TLL1: variants seen among roughly 807,000 people sequenced by gnomAD.
TLL1 encodes the protein tolloid-like protein 1.
In TLL1, 49 loss-of-function variants were observed where a neutral mutation model predicts 128.2. The observed-to-expected ratio is 0.38, with a 90% confidence interval of 0.30 to 0.48. TLL1 has a LOEUF of 0.48. TLL1 is among the 20% of genes least tolerant of loss of function. The probability of loss-of-function intolerance (pLI) is 0.96; values close to 1 mark genes in which losing one functional copy is unlikely to be tolerated. For synonymous variants in TLL1, 454 were observed against 418.8 expected, an observed-to-expected ratio of 1.08 and a Z score of -1.03; for missense variants, 1,123 against 1,242.0, an observed-to-expected ratio of 0.90 and a Z score of 1.44.
rs982254072 is a variant in TLL1 at position 166,104,023 on chromosome 4, C to T, written c.*3147C>T. 2 of 151,876 alleles carry T rather than the reference C, an allele frequency of 1.3e-5. No individual in the cohort carries two copies. The highest frequency in any genetic ancestry group is 2.9e-5 in the Non-Finnish European group (2 of 67,910). 9.4% of individuals were successfully genotyped at this position (151,876 alleles called of 1,614,324 possible). On this transcript the variant is annotated 3_prime_UTR_variant, in exon 21 of 21. Coordinates refer to ENST00000061240, the MANE Select transcript of TLL1 (RefSeq NM_012464.5). ...AACCCTCAAATATCCCATTCCTATACTGGCTGGATTTTTGCTACCTGTCGC... is the reference window on the plus strand; with the variant it reads ...AACCCTCAAATATCCCATTCCTATATTGGCTGGATTTTTGCTACCTGTCGC...
chr4:165,962,901 A>G (rs1045320473), intron 1 of TLL1, among the ~76,000 whole-genome samples: 6 of 151,286 alleles, frequency 4.0e-5, no homozygotes, highest in Non-Finnish European at 8.8e-5. Context: ...CTAAAAGTAC[A>G]AAAATTAGCT....
chr4:166,051,448 G>C (rs950923065), intron 12 of TLL1, among the ~76,000 whole-genome samples: 12 of 151,888 alleles, frequency 7.9e-5, no homozygotes, highest in African/African-American at 2.9e-4. Flanking sequence ...CGATGGACTT[G>C]ATTCACATTT....
At position 166,008,023 on chromosome 4, in the gene TLL1, C is replaced by A; in HGVS notation, c.892C>A (p.His298Asn). ...GERYDFDSIM[H>N]YARNTFSRGM... Reference sequence around the variant, plus strand: ...AAGATATGATTTCGACAGTATCATGCACTATGCCAGGAACACCTTCTCAAG... The same window carrying A: ...AAGATATGATTTCGACAGTATCATGAACTATGCCAGGAACACCTTCTCAAG... The change falls in exon 7 of 21, where the codon CAC becomes AAC. Residue 298 changes from histidine (H) to asparagine (N), a missense_variant. His to Asn is a moderately conservative substitution (Grantham distance 68). Transcript: ENST00000061240. 6.2e-7 allele frequency: 1 copy of A among 1,609,430 alleles called. No individual in the cohort carries two copies. Among genetic ancestry groups the A allele is most frequent in the Non-Finnish European group, 8.5e-7 (1 of 1,176,598 alleles).
At chr4:165,959,622 G>T (rs1734995434) in intron 1 of TLL1, among the ~76,000 whole-genome samples, 1 of 152,110 alleles carries the variant, frequency 6.6e-6, no homozygotes, top group Non-Finnish European at 1.5e-5. Flanking sequence ...ATTTGAAAAA[G>T]TTGAAATAAT....
chr4:166,017,508 C>A (rs1738004451), intron 8 of TLL1, among the ~76,000 whole-genome samples: 1 of 152,156 alleles, frequency 6.6e-6, no homozygotes, highest in Non-Finnish European at 1.5e-5. Flanking sequence ...TTTGAGAAAT[C>A]TCCAAACTGC....
chr4:165,972,370 C>T (rs1735667624), intron 1 of TLL1, among the ~76,000 whole-genome samples: 1 of 152,190 alleles, frequency 6.6e-6, no homozygotes, highest in African/African-American at 2.4e-5. Context: ...ACTTTAATAT[C>T]ATTATCATAT....
chr4:165,903,102 G>A (rs1170126331), intron 1 of TLL1, among the ~76,000 whole-genome samples: 1 of 152,116 alleles, frequency 6.6e-6, no homozygotes, highest in Non-Finnish European at 1.5e-5. Context: ...ACTGTGGGAG[G>A]CTGAGGCACG....
intron 8 of TLL1, among the ~76,000 whole-genome samples, chr4:166,021,209 A>G (rs147002817): frequency 0.012 from 1,755 of 150,484 alleles, 15 homozygotes; most frequent in Non-Finnish European, 0.018. Context: ...TGGCTAAACT[A>G]TATTGCCAAG....
chr4:166,086,967 CA>C (rs1321622501), intron 18 of TLL1, among the ~76,000 whole-genome samples: 1 of 152,012 alleles, frequency 6.6e-6, no homozygotes, highest in Admixed American at 6.6e-5. Flanking sequence ...AAATTGCAGT[CA>C]AAAGATGCTT....
chr4:165,879,764 C>T (rs1225786598), intron 1 of TLL1, among the ~76,000 whole-genome samples: 1 of 151,984 alleles, frequency 6.6e-6, no homozygotes, highest in Non-Finnish European at 1.5e-5. Flanking sequence ...CCATGTTGCT[C>T]CCCTGAACTG....
At chr4:166,043,156 A>G in intron 11 of TLL1, 118 bp from the exon 12 acceptor site, 2 of 1,369,330 alleles carry the variant, frequency 1.5e-6, no homozygotes, top group Non-Finnish European at 2.1e-6. Flanking sequence ...TGATTTTTAT[A>G]GCCTGGTCTT....
chr4:165,977,841 A>G (rs1486800120), intron 1 of TLL1, among the ~76,000 whole-genome samples: 1 of 152,206 alleles, frequency 6.6e-6, no homozygotes, highest in African/African-American at 2.4e-5. Flanking sequence ...ACGTAAATAC[A>G]AATGTCCTTC....
intron 1 of TLL1, among the ~76,000 whole-genome samples, chr4:165,975,717 A>G (rs1036870450): frequency 1.4e-4 from 22 of 152,228 alleles, no homozygotes; most frequent in African/African-American, 4.8e-4. Context: ...ACCATAGTCA[A>G]TGGGAAACTA....
At chr4:165,933,665 T>C (rs2110910556) in intron 1 of TLL1, among the ~76,000 whole-genome samples, 1 of 152,118 alleles carries the variant, frequency 6.6e-6, no homozygotes, top group South Asian at 2.1e-4. Context: ...GGCCTGGGAG[T>C]GCTAGCGTGG....
At chr4:165,951,955 A>T (rs1057185469) in intron 1 of TLL1, among the ~76,000 whole-genome samples, 19 of 152,140 alleles carry the variant, frequency 1.2e-4, no homozygotes, top group Non-Finnish European at 2.5e-4. Context: ...ACTTTGTACC[A>T]TTCTTTATGT....
At chr4:165,991,966 G>A (rs1040103692) in intron 2 of TLL1, among the ~76,000 whole-genome samples, 4 of 151,906 alleles carry the variant, frequency 2.6e-5, no homozygotes, top group Non-Finnish European at 4.4e-5. Flanking sequence ...TGACAAAACC[G>A]AGAGTAGCAT....
chr4:165,918,128 A>G (rs1319707204), intron 1 of TLL1, among the ~76,000 whole-genome samples: 6 of 152,218 alleles, frequency 3.9e-5, no homozygotes, highest in Non-Finnish European at 5.9e-5. Context: ...TACATGTAAG[A>G]TAATAGTATA....
intron 1 of TLL1, among the ~76,000 whole-genome samples, chr4:165,902,233 C>G (rs976437579): frequency 1.3e-5 from 2 of 152,050 alleles, no homozygotes; most frequent in Non-Finnish European, 2.9e-5. Context: ...GGCTTCAGCC[C>G]CCTTTCCAGG....
At chr4:165,959,990 C>T (rs28767025) in intron 1 of TLL1, among the ~76,000 whole-genome samples, 7,025 of 151,996 alleles carry the variant, frequency 0.046, 531 homozygotes, top group African/African-American at 0.16. Flanking sequence ...TGACTATATT[C>T]GAGCAGAGCT....
Sources: gnomAD v4.1 joint callset for allele counts (sites outside exome capture counted in the v4.1 genomes callset) on GRCh38, gnomAD v4.1.1 for gene constraint, MANE v1.5 for transcripts, NCBI Gene and HGNC (gene_info 2026-07-23, HGNC 2026-07-21) for gene names.